The following TMEM132B variants were observed in gnomAD, a reference collection of about 807,000 sequenced individuals.
TMEM132B encodes the protein transmembrane protein 132B.
Under a neutral mutation model 90.8 loss-of-function variants are expected in TMEM132B, and 18 were observed. The observed-to-expected ratio is 0.20, with a 90% CI of 0.14 to 0.29. TMEM132B has a LOEUF of 0.29. TMEM132B is among the 10% of genes least tolerant of loss of function. TMEM132B has a pLI of 1.00. For missense variants in TMEM132B, 1,096 were observed against 1,326.8 expected (o/e 0.83, Z 2.70); for synonymous variants, 504 against 523.3 (o/e 0.96, Z 0.50).
intron 1 of TMEM132B, among the ~76,000 whole-genome samples, chr12:125,322,072 A>G (rs904842723): frequency 7.9e-5 from 12 of 152,150 alleles, no homozygotes; most frequent in Admixed American, 5.9e-4. Context: ...GTGTGTTGAT[A>G]TGGTTTGTCT....
rs368135862 is a variant in TMEM132B at position 125,301,405 on chromosome 12, G to A, written c.68-48047G>A. 672 of 152,360 alleles carry A rather than the reference G, an allele frequency of 4.4e-3. 1 individual carries two copies. The highest frequency in any genetic ancestry group is 8.1e-3 in the Non-Finnish European group (552 of 68,080). 9.4% of individuals were successfully genotyped at this position (152,360 alleles called of 1,614,324 possible). ...CCACTAGAATTCAGGGGGATGGCCC[G>A]TGCACCAGCCCTGTGCCCAGCTCTG... On this transcript the variant is annotated intron_variant, in intron 1 of 8. Transcript: ENST00000682704.
chr12:125,557,703 TA>T (rs58521668), intron 4 of TMEM132B, among the ~76,000 whole-genome samples: 137,808 of 151,936 alleles, frequency 0.91, 62,488 homozygotes, highest in Middle Eastern at 0.95. Context: ...ATGGCAGAGA[TA>T]AAAAAAAATA....
chr12:125,600,475 G>C (rs1316345306), intron 5 of TMEM132B, among the ~76,000 whole-genome samples: 1 of 152,102 alleles, frequency 6.6e-6, no homozygotes, highest in Non-Finnish European at 1.5e-5. Context: ...TTGTTTATCT[G>C]TCTCTCACAG....
chr12:125,227,939 T>C (rs1028924457), intron 1 of TMEM132B, among the ~76,000 whole-genome samples: 1 of 152,234 alleles, frequency 6.6e-6, no homozygotes, highest in Non-Finnish European at 1.5e-5. Context: ...TTGCCTGCAG[T>C]GTTCTGTGCC....
chr12:125,331,433 C>T (rs1357448425), intron 1 of TMEM132B, among the ~76,000 whole-genome samples: 1 of 152,234 alleles, frequency 6.6e-6, no homozygotes, highest in Non-Finnish European at 1.5e-5. Flanking sequence ...CTGTTTCTTT[C>T]CCGAGTTCTC....
At chr12:125,546,653 T>C (rs1425494433) in intron 4 of TMEM132B, among the ~76,000 whole-genome samples, 11 of 152,242 alleles carry the variant, frequency 7.2e-5, no homozygotes, top group Non-Finnish European at 1.6e-4. Flanking sequence ...ATGAGTAGTA[T>C]TCCATTGTAT....
chr12:125,544,258 G>A lies in TMEM132B; in HGVS notation c.1293+24633G>A, dbSNP rs191725223. 2.3e-3 allele frequency among the ~76,000 whole-genome samples: 347 copies of A among 152,196 alleles called. 2 individuals are homozygous for A. Among genetic ancestry groups the A allele is most frequent in the Non-Finnish European group, 2.7e-3 (182 of 68,008 alleles). On this transcript the variant is annotated intron_variant, in intron 4 of 8. Transcript: ENST00000682704. ...ATGCATGCCAGGCTTAAGGTGATGGGTTGATAGGTGCAACAAACCACCATG... is the reference window on the plus strand; with the variant it reads ...ATGCATGCCAGGCTTAAGGTGATGGATTGATAGGTGCAACAAACCACCATG...
chr12:125,558,354 T>C (rs1884443116), intron 4 of TMEM132B, among the ~76,000 whole-genome samples: 1 of 152,134 alleles, frequency 6.6e-6, no homozygotes, highest in South Asian at 2.1e-4. Context: ...CTCTGTAAAG[T>C]TGTGAAAGTT....
intron 4 of TMEM132B, among the ~76,000 whole-genome samples, chr12:125,572,325 C>A (rs770248276): frequency 6.6e-6 from 1 of 152,206 alleles, no homozygotes; most frequent in Non-Finnish European, 1.5e-5. Flanking sequence ...GTCATTAGGG[C>A]TCTGCCCTCA....
chr12:125,637,803 A>AAACCAATCT (rs1313849645), intron 5 of TMEM132B, among the ~76,000 whole-genome samples: 1 of 152,186 alleles, frequency 6.6e-6, no homozygotes, highest in Non-Finnish European at 1.5e-5. Context: ...TAGAAAATGA[A>AAACCAATCT]AACCAATCTG....
At chr12:125,424,595 G>T (rs140425021) in intron 3 of TMEM132B, among the ~76,000 whole-genome samples, 2 of 152,110 alleles carry the variant, frequency 1.3e-5, no homozygotes, top group East Asian at 3.9e-4. Flanking sequence ...TTTCTTTAAG[G>T]CAAAGACTCT....
chr12:125,537,430 C>T (rs564683293), intron 4 of TMEM132B, among the ~76,000 whole-genome samples: 1 of 152,356 alleles, frequency 6.6e-6, no homozygotes, highest in South Asian at 2.1e-4. Flanking sequence ...CTTCTGGCTA[C>T]TTCTACTGTT....
In TMEM132B at chr12:125,415,744, G is replaced by T; in HGVS notation, c.1106+67G>T. On this transcript the variant is annotated intron_variant, in intron 3 of 8. Coordinates refer to ENST00000682704, the MANE Select transcript of TMEM132B (RefSeq NM_001366854.1). The surrounding 1 kb of genome is among the most constrained non-coding windows in gnomAD (Gnocchi z 5.3). ...AGGGGAGTGGCTGCCAGAGCTGATA[G>T]CAAAATAATGTGCGTGTGGATAAAG... The T allele has an allele frequency of 6.4e-7, 1 of 1,572,388 alleles. No individual in the cohort carries two copies.
chr12:125,230,626 G>A (rs533355415), intron 1 of TMEM132B, among the ~76,000 whole-genome samples: 3 of 151,200 alleles, frequency 2.0e-5, no homozygotes, highest in South Asian at 2.1e-4. Flanking sequence ...GACTACAGGC[G>A]CCTGCCACCA....
At chr12:125,292,541 T>C (rs1479787849) in intron 1 of TMEM132B, among the ~76,000 whole-genome samples, 2 of 152,240 alleles carry the variant, frequency 1.3e-5, no homozygotes, top group Admixed American at 6.5e-5. Context: ...AACTCAAAAC[T>C]GGCTTGCACA....
chr12:125,257,842 T>C (rs1441083141), intron 1 of TMEM132B, among the ~76,000 whole-genome samples: 1 of 152,180 alleles, frequency 6.6e-6, no homozygotes, highest in Non-Finnish European at 1.5e-5. Flanking sequence ...CATCAGCAGC[T>C]GGAGAGACAA....
rs140458929 is a variant in TMEM132B at position 125,251,854 on chromosome 12, C to T, written c.67+64988C>T. ...TTAATAATCATAATTTTAAAAATAT[C>T]GGGTGGTCAAAACAAAGCAAAAGAA... On this transcript the variant is annotated intron_variant, in intron 1 of 8. Coordinates refer to ENST00000682704, the MANE Select transcript of TMEM132B (RefSeq NM_001366854.1). This position sits in a 1 kb window ranked among gnomAD's most constrained non-coding sequence, Gnocchi z 4.4. Among the ~76,000 whole-genome samples the T allele has an allele frequency of 3.0e-3, 458 of 152,244 alleles. 2 individuals are homozygous for T. The highest frequency in any genetic ancestry group is 9.6e-3 in the African/African-American group (399 of 41,544).
intron 1 of TMEM132B, among the ~76,000 whole-genome samples, chr12:125,235,604 T>C (rs1873916500): frequency 1.3e-5 from 2 of 152,098 alleles, no homozygotes; most frequent in South Asian, 4.2e-4. Flanking sequence ...CCCATACTCA[T>C]TGAGCAGCCA....
intron 2 of TMEM132B, among the ~76,000 whole-genome samples, chr12:125,394,612 T>C (rs1256692150): frequency 1.3e-5 from 2 of 152,202 alleles, no homozygotes; most frequent in Non-Finnish European, 2.9e-5. Flanking sequence ...TGGGTTGATA[T>C]CTTGAGTTCA....
Sources: gnomAD v4.1 joint callset for allele counts (sites outside exome capture counted in the v4.1 genomes callset) on GRCh38, gnomAD v4.1.1 for gene constraint, Gnocchi (gnomAD v3.1) non-coding constraint, MANE v1.5 for transcripts, NCBI Gene and HGNC (gene_info 2026-07-23, HGNC 2026-07-21) for gene names.